SLC16A10: variants seen among roughly 807,000 people sequenced by gnomAD.
The protein encoded by SLC16A10 is solute carrier family 16 member 10.
Under a neutral mutation model 40.0 loss-of-function variants are expected in SLC16A10, and 27 were observed. The ratio of observed to expected loss-of-function variants is 0.67; its 90% CI spans 0.50 to 0.93. The LOEUF is 0.93. SLC16A10 is among the 40% of genes least tolerant of loss of function. The pLI is 0.00. For synonymous variants in SLC16A10, 213 were observed against 249.8 expected, an observed-to-expected ratio of 0.85 and a Z score of 1.39; for missense variants, 529 against 658.2, an observed-to-expected ratio of 0.80 and a Z score of 2.15.
intron 1 of SLC16A10, among the ~76,000 whole-genome samples, chr6:111,149,026 T>G (rs1772127114): frequency 6.6e-6 from 1 of 152,202 alleles, no homozygotes; most frequent in African/African-American, 2.4e-5. Flanking sequence ...GTCAGGACCC[T>G]TCTTCTCTAG....
At chr6:111,185,073 A>C (rs989739377) in intron 3 of SLC16A10, among the ~76,000 whole-genome samples, 3 of 152,106 alleles carry the variant, frequency 2.0e-5, no homozygotes, top group African/African-American at 7.2e-5. Flanking sequence ...TTCATGTAAC[A>C]TTTGCCAAGA....
At chr6:111,197,933 A>G (rs1234005103) in intron 3 of SLC16A10, among the ~76,000 whole-genome samples, 1 of 152,174 alleles carries the variant, frequency 6.6e-6, no homozygotes, top group Non-Finnish European at 1.5e-5. Flanking sequence ...CCCACCTCCA[A>G]CATTGGGAAT....
At chr6:111,121,404 T>C (rs977273389) in intron 1 of SLC16A10, among the ~76,000 whole-genome samples, 9 of 152,072 alleles carry the variant, frequency 5.9e-5, no homozygotes, top group Admixed American at 2.6e-4. Context: ...CTACAAAATA[T>C]ATAAAAATTA....
At chr6:111,199,220 G>A (rs995555988) in intron 3 of SLC16A10, among the ~76,000 whole-genome samples, 1 of 152,176 alleles carries the variant, frequency 6.6e-6, no homozygotes, top group Non-Finnish European at 1.5e-5. Context: ...AGCGCTTTGG[G>A]AGGCTGAGGT....
At chr6:111,182,499 T>G (rs1435729008) in intron 3 of SLC16A10, among the ~76,000 whole-genome samples, 1 of 71,218 alleles carries the variant, frequency 1.4e-5, no homozygotes, top group Non-Finnish European at 3.2e-5. Flanking sequence ...CCCCTGATCT[T>G]TTTCTCCATG....
intron 1 of SLC16A10, among the ~76,000 whole-genome samples, chr6:111,124,614 T>C (rs991930542): frequency 6.6e-6 from 1 of 152,190 alleles, no homozygotes; most frequent in Non-Finnish European, 1.5e-5. Context: ...CTGCCCGCCT[T>C]GGCCTTCCAA....
chr6:111,143,980 A>G (rs2114506318), intron 1 of SLC16A10, among the ~76,000 whole-genome samples: 1 of 152,192 alleles, frequency 6.6e-6, no homozygotes, highest in Admixed American at 6.5e-5. Flanking sequence ...GAAACCATGG[A>G]CTTTGGATTA....
intron 1 of SLC16A10, among the ~76,000 whole-genome samples, chr6:111,116,271 G>A (rs1012143799): frequency 1.3e-5 from 2 of 152,010 alleles, no homozygotes; most frequent in Non-Finnish European, 2.9e-5. Context: ...AGGCTGGAGT[G>A]CAGTGGCGCA....
rs1562397077 is a variant in SLC16A10 at position 111,100,957 on chromosome 6, TCCC to T, written c.343+12863_343+12865del. On this transcript the variant is annotated intron_variant, in intron 1 of 5. Transcript: ENST00000368851. ...TTGGGGTTCTCTCTCGCTCTTTCTCTCCCTCTCTCTCTCTCTCTCTCTCTCTCT... is the reference window on the plus strand; with the variant it reads ...TTGGGGTTCTCTCTCGCTCTTTCTCTTCTCTCTCTCTCTCTCTCTCTCTCT... Among the ~76,000 whole-genome samples, 4 of 79,376 alleles carry T rather than the reference TCCC, an allele frequency of 5.0e-5. No individual in the cohort carries two copies. The East Asian group carries it at 1.3e-3, about 27-fold the overall frequency. 52.1% of individuals were successfully genotyped at this position (79,376 alleles called of 152,430 possible). A position where few individuals can be genotyped will look rare whatever the true frequency, so the allele number is the denominator to read the frequency against.
chr6:111,178,678 A>G (rs1772735857), intron 3 of SLC16A10: 1 of 206,116 alleles, frequency 4.9e-6, no homozygotes, highest in South Asian at 7.1e-5. Flanking sequence ...TTTACAATTC[A>G]CCGTAAATGA....
chr6:111,098,365 C>T (rs1040278383), intron 1 of SLC16A10, among the ~76,000 whole-genome samples: 7 of 152,092 alleles, frequency 4.6e-5, no homozygotes, highest in Admixed American at 1.3e-4. Flanking sequence ...CAAGAACAGC[C>T]TGGGCAACAT....
intron 3 of SLC16A10, among the ~76,000 whole-genome samples, chr6:111,197,935 A>G (rs897883477): frequency 6.6e-6 from 1 of 152,100 alleles, no homozygotes; most frequent in African/African-American, 2.4e-5. Context: ...CACCTCCAAC[A>G]TTGGGAATCA....
chr6:111,109,066 C>T (rs542531580), intron 1 of SLC16A10, among the ~76,000 whole-genome samples: 172 of 152,170 alleles, frequency 1.1e-3, no homozygotes, highest in African/African-American at 3.9e-3. Context: ...TTAAAATCAG[C>T]TTTATTGAGG....
In SLC16A10 at chr6:111,127,969, G is replaced by A. The variant is rs775764774; in HGVS notation, c.343+39874G>A. 3.9e-5 allele frequency among the ~76,000 whole-genome samples: 6 copies of A among 152,150 alleles called. No individual in the cohort carries two copies. In the East Asian group the frequency reaches 5.8e-4, roughly 15 times the overall value. ...TGAGTGAACCTGCGTGGACTGGGTCGTCTTCCCTATTCACCAAGCTGAATC... is the reference window on the plus strand; with the variant it reads ...TGAGTGAACCTGCGTGGACTGGGTCATCTTCCCTATTCACCAAGCTGAATC... On this transcript the variant is annotated intron_variant, in intron 1 of 5. Transcript: ENST00000368851.
At chr6:111,151,877 A>AT (rs1450461155) in intron 1 of SLC16A10, among the ~76,000 whole-genome samples, 3 of 151,948 alleles carry the variant, frequency 2.0e-5, no homozygotes, top group Non-Finnish European at 1.5e-5. Context: ...AACAGTGGTT[A>AT]TTTTTTCCCT....
At chr6:111,095,548 T>G (rs1771058871) in intron 1 of SLC16A10, among the ~76,000 whole-genome samples, 1 of 152,210 alleles carries the variant, frequency 6.6e-6, no homozygotes. Flanking sequence ...AGTGGTAATT[T>G]TTATATTCTC....
At chr6:111,169,085 A>T (rs879458829) in intron 1 of SLC16A10, among the ~76,000 whole-genome samples, 1 of 152,186 alleles carries the variant, frequency 6.6e-6, no homozygotes, top group Non-Finnish European at 1.5e-5. Flanking sequence ...CCCAACAAGG[A>T]GAGAACTGTG....
chr6:111,138,229 A>G (rs1771917152), intron 1 of SLC16A10, among the ~76,000 whole-genome samples: 2 of 152,256 alleles, frequency 1.3e-5, no homozygotes, highest in African/African-American at 4.8e-5. Context: ...AAAAGTTATT[A>G]CTTAGTAAGA....
intron 4 of SLC16A10, among the ~76,000 whole-genome samples, chr6:111,208,994 T>A (rs920215362): frequency 1.1e-4 from 17 of 152,052 alleles, no homozygotes; most frequent in Non-Finnish European, 2.4e-4. Flanking sequence ...TTGAGGCCAG[T>A]TCGAGACAAT....
Sources: gnomAD v4.1 joint callset for allele counts (sites outside exome capture counted in the v4.1 genomes callset) on GRCh38, gnomAD v4.1.1 for gene constraint, MANE v1.5 for transcripts, NCBI Gene and HGNC (gene_info 2026-07-23, HGNC 2026-07-21) for gene names.